CLASP1: variants seen among roughly 807,000 people sequenced by gnomAD.
The protein encoded by CLASP1 is cytoplasmic linker associated protein 1.
In CLASP1, 38 loss-of-function variants were observed where a neutral mutation model predicts 192.3. That is an observed-to-expected ratio of 0.20 (90% CI 0.15 to 0.26). The LOEUF (loss-of-function observed/expected upper bound fraction) is 0.26, where lower values mean the gene tolerates loss of function less well. Among genes scored for constraint, CLASP1 ranks in the 10% least tolerant of loss-of-function variants. The pLI is 1.00. For missense variants in CLASP1, 1,433 were observed against 1,932.5 expected, an observed-to-expected ratio of 0.74 and a Z score of 4.85; for synonymous variants, 691 against 712.8, an observed-to-expected ratio of 0.97 and a Z score of 0.49.
chr2:121,405,979 C>T (rs762654957), intron 25 of CLASP1, among the ~76,000 whole-genome samples: 11 of 152,120 alleles, frequency 7.2e-5, no homozygotes, highest in Non-Finnish European at 1.3e-4. Context: ...CATCTATGAC[C>T]GTTAACTTAT....
chr2:121,478,084 C>CA (rs1488719416), intron 8 of CLASP1, among the ~76,000 whole-genome samples: 8 of 152,050 alleles, frequency 5.3e-5, no homozygotes, highest in Non-Finnish European at 7.4e-5. Context: ...TAAAAATCCT[C>CA]AAAAAATACT....
chr2:121,387,710 T>C, intron 31 of CLASP1, 53 bp downstream of exon 32: 10 of 1,577,504 alleles, frequency 6.3e-6, no homozygotes, highest in Non-Finnish European at 8.7e-6. Flanking sequence ...AGATAAGGGC[T>C]ACGCAGAGGT....
chr2:121,448,858 C>T, intron 17 of CLASP1, 95 bp downstream of exon 17: 5 of 1,256,864 alleles, frequency 4.0e-6, no homozygotes, highest in Non-Finnish European at 4.4e-6. Flanking sequence ...TTAACAAGCA[C>T]CCATGTAAAA....
At chr2:121,447,359 A>G (rs1407105320) in exon 19 of CLASP1, 2 of 1,591,462 alleles carry the variant, frequency 1.3e-6, no homozygotes, top group Admixed American at 1.8e-5. Context: ...ATGACCCTGG[A>G]GGCAAAGCTG....
chr2:121,370,228 C>T (rs1449166099), intron 34 of CLASP1, among the ~76,000 whole-genome samples: 1 of 152,226 alleles, frequency 6.6e-6, no homozygotes, highest in African/African-American at 2.4e-5. Context: ...GAGTCTTTCA[C>T]ATTTAACACA....
intron 37 of CLASP1, among the ~76,000 whole-genome samples, chr2:121,356,314 T>C (rs1430192796): frequency 6.6e-6 from 1 of 152,226 alleles, no homozygotes; most frequent in Non-Finnish European, 1.5e-5. Flanking sequence ...TGAGTTTAAG[T>C]ATCCACCAGT....
chr2:121,589,552 C>T (rs1268978967), intron 2 of CLASP1, among the ~76,000 whole-genome samples: 1 of 151,678 alleles, frequency 6.6e-6, no homozygotes, highest in Non-Finnish European at 1.5e-5. Flanking sequence ...ATTGCTTGAA[C>T]CTAGGAGGCA....
At chr2:121,365,373 C>A in intron 35 of CLASP1, 89 bp from the exon 37 acceptor site, 1 of 1,228,894 alleles carries the variant, frequency 8.1e-7, no homozygotes, top group Non-Finnish European at 1.2e-6. Flanking sequence ...CCTTCCCTTC[C>A]TGCCTCCTCT....
At chr2:121,618,190 T>C (rs1679751669) in intron 1 of CLASP1, among the ~76,000 whole-genome samples, 4 of 152,236 alleles carry the variant, frequency 2.6e-5, no homozygotes, top group Admixed American at 2.6e-4. Flanking sequence ...GGGACCTAAC[T>C]ATATTTTGTT....
chr2:121,615,293 C>A (rs1189445420), intron 1 of CLASP1, among the ~76,000 whole-genome samples: 1 of 151,764 alleles, frequency 6.6e-6, no homozygotes. Flanking sequence ...GAGCCAAGAT[C>A]ACGGAACTGC....
At chr2:121,368,476 A>G (rs1250928478) in intron 34 of CLASP1, among the ~76,000 whole-genome samples, 1 of 152,010 alleles carries the variant, frequency 6.6e-6, no homozygotes, top group Admixed American at 6.6e-5. Flanking sequence ...TATATTCTGA[A>G]TGTTGTCTTC....
chr2:121,472,380 A>T (rs146034911), intron 8 of CLASP1, among the ~76,000 whole-genome samples: 1 of 152,318 alleles, frequency 6.6e-6, no homozygotes, highest in African/African-American at 2.4e-5. Context: ...CAGGCACCGG[A>T]CAACGGGCAG....
intron 2 of CLASP1, chr2:121,603,197 C>T (rs543845095): frequency 6.6e-6 from 1 of 150,732 alleles, no homozygotes; most frequent in Admixed American, 6.6e-5. Context: ...AAACAAGGAA[C>T]TCAAACATCT....
intron 2 of CLASP1, among the ~76,000 whole-genome samples, chr2:121,534,004 C>T (rs933484078): frequency 6.6e-6 from 1 of 152,130 alleles, no homozygotes; most frequent in Non-Finnish European, 1.5e-5. Context: ...ACACTCCTGC[C>T]GAGCACAACT....
chr2:121,575,514 CAAAGTA>C lies in CLASP1; in HGVS notation c.195+30181_195+30186del, dbSNP rs1004285420. On this transcript the variant is annotated intron_variant, in intron 2 of 39. Transcript: ENST00000263710. ...ATCAGATTCTGAAGCTCACACACCA[CAAAGTA>C]AAAGGGAGAAAGTAAGAGAAGATTC... Among the ~76,000 whole-genome samples the C allele has an allele frequency of 2.7e-3, 409 of 152,228 alleles. 2 individuals carry two copies. Among genetic ancestry groups the C allele is most frequent in the Non-Finnish European group, 3.6e-3 (246 of 68,008 alleles).
chr2:121,457,684 T>C lies in CLASP1; in HGVS notation c.1385+3A>G. On this transcript the variant is annotated splice_donor_region_variant and intron_variant, in intron 14 of 39. Coordinates refer to ENST00000263710, the Ensembl canonical transcript of CLASP1. The stretch of plus-strand genomic sequence containing the variant: ...AACAATGAGAAAATCCTTTAAAATT[T>C]ACCTTCTAACTGCGACAGACTTAGA... 1 of 1,605,454 alleles carries C rather than the reference T, an allele frequency of 6.2e-7. No individual in the cohort carries two copies. The highest frequency in any genetic ancestry group is 8.5e-7 in the Non-Finnish European group (1 of 1,173,396).
intron 30 of CLASP1, among the ~76,000 whole-genome samples, chr2:121,396,205 T>C (rs76229232): frequency 0.013 from 2,044 of 152,220 alleles, 42 homozygotes; most frequent in African/African-American, 0.046. Flanking sequence ...AACCTGGGTA[T>C]AAGTTAGGTG....
intron 8 of CLASP1, among the ~76,000 whole-genome samples, chr2:121,496,702 A>G (rs1355211729): frequency 1.3e-5 from 2 of 152,198 alleles, no homozygotes; most frequent in African/African-American, 2.4e-5. Flanking sequence ...GGAGGGTTAC[A>G]GTCCAATGCC....
chr2:121,422,538 G>A (rs1287685083), intron 22 of CLASP1, among the ~76,000 whole-genome samples: 4 of 152,014 alleles, frequency 2.6e-5, no homozygotes, highest in Non-Finnish European at 5.9e-5. Context: ...TATCTATAAA[G>A]TATTATCTTT....
Sources: gnomAD v4.1 joint callset for allele counts (sites outside exome capture counted in the v4.1 genomes callset) on GRCh38, gnomAD v4.1.1 for gene constraint, MANE v1.5 for transcripts, NCBI Gene and HGNC (gene_info 2026-07-23, HGNC 2026-07-21) for gene names.